CNBD1: variants seen among roughly 807,000 people sequenced by gnomAD.
CNBD1 encodes cyclic nucleotide-binding domain-containing protein 1.
Under a neutral mutation model 54.4 loss-of-function variants are expected in CNBD1, and 71 were observed. The ratio of observed to expected loss-of-function variants is 1.30; its 90% CI spans 1.08 to 1.59. CNBD1 has a LOEUF of 1.59. Ranked by LOEUF, CNBD1 falls within the 40% of genes most tolerant of loss-of-function variation. The pLI, the probability that CNBD1 is intolerant of heterozygous loss-of-function variation, is 0.00. For synonymous variants in CNBD1, 182 were observed against 170.7 expected, an observed-to-expected ratio of 1.07 and a Z score of -0.51; for missense variants, 659 against 518.0, an observed-to-expected ratio of 1.27 and a Z score of -2.64.
intron 4 of CNBD1, among the ~76,000 whole-genome samples, chr8:86,964,672 T>C (rs1216231880): frequency 1.3e-5 from 2 of 152,034 alleles, no homozygotes; most frequent in Admixed American, 1.3e-4. Context: ...GGAGTGAGAC[T>C]GGGACCTGCC....
intron 4 of CNBD1, among the ~76,000 whole-genome samples, chr8:87,135,839 T>C (rs1812215746): frequency 6.6e-6 from 1 of 151,862 alleles, no homozygotes; most frequent in Admixed American, 6.6e-5. Context: ...TTAAAAGTTA[T>C]ATAATCTTAC....
intron 2 of CNBD1, among the ~76,000 whole-genome samples, chr8:87,413,925 G>C (rs1807794649): frequency 6.6e-6 from 1 of 151,372 alleles, no homozygotes; most frequent in Admixed American, 6.6e-5. Flanking sequence ...CTGTTGGTGG[G>C]ACTGTAAACT....
At chr8:87,136,530 TTA>T (rs1223940279) in intron 4 of CNBD1, among the ~76,000 whole-genome samples, 1 of 116,604 alleles carries the variant, frequency 8.6e-6, no homozygotes, top group Non-Finnish European at 1.7e-5. Flanking sequence ...TATATATAAA[TTA>T]TATATTATAT....
At chr8:87,353,947 T>C (rs944942750) in intron 10 of CNBD1, 161 bp downstream of exon 10, 2 of 502,152 alleles carry the variant, frequency 4.0e-6, no homozygotes, top group Non-Finnish European at 7.0e-6. Flanking sequence ...CATTTCTCTC[T>C]TGGTGAATTT....
chr8:87,377,063 A>G (rs1810957012), intron 10 of CNBD1, among the ~76,000 whole-genome samples: 1 of 128,790 alleles, frequency 7.8e-6, no homozygotes, highest in Non-Finnish European at 1.7e-5. Flanking sequence ...TTTTATTTTT[A>G]TTTCTTTATT....
intron 8 of CNBD1, among the ~76,000 whole-genome samples, chr8:87,348,906 G>A (rs958781681): frequency 6.6e-5 from 10 of 152,138 alleles, no homozygotes; most frequent in Non-Finnish European, 1.5e-4. Context: ...TAATTTCTGT[G>A]AATCCTTCTG....
At chr8:86,968,131 G>A (rs968540383) in intron 4 of CNBD1, among the ~76,000 whole-genome samples, 2 of 152,078 alleles carry the variant, frequency 1.3e-5, no homozygotes, top group African/African-American at 2.4e-5. Context: ...TGGCTCGTCT[G>A]ACAAAACCCT....
chr8:87,139,106 G>C (rs1754982997), intron 4 of CNBD1, among the ~76,000 whole-genome samples: 2 of 152,114 alleles, frequency 1.3e-5, no homozygotes, highest in South Asian at 4.1e-4. Flanking sequence ...TATTGTGAAG[G>C]TGTACACCCT....
chr8:86,981,828 C>A (rs1390752365), intron 4 of CNBD1, among the ~76,000 whole-genome samples: 1 of 152,066 alleles, frequency 6.6e-6, no homozygotes, highest in Admixed American at 6.6e-5. Context: ...TGAACTGTTT[C>A]TAGTATCTGA....
chr8:87,010,466 A>T (rs1809194221), intron 4 of CNBD1, among the ~76,000 whole-genome samples: 1 of 152,072 alleles, frequency 6.6e-6, no homozygotes, highest in African/African-American at 2.4e-5. Context: ...AATGAACTCC[A>T]TGCCAGGCAT....
chr8:87,117,505 G>A (rs188948856), intron 4 of CNBD1, among the ~76,000 whole-genome samples: 1 of 152,000 alleles, frequency 6.6e-6, no homozygotes, highest in Admixed American at 6.5e-5. Flanking sequence ...CAAAAGAGTA[G>A]CCAAGAGAAA....
chr8:87,309,863 A>G (rs780643509), intron 8 of CNBD1, among the ~76,000 whole-genome samples: 5 of 152,120 alleles, frequency 3.3e-5, no homozygotes, highest in Admixed American at 1.3e-4. Flanking sequence ...AATAAAATAA[A>G]AGGTGTCCAA....
At chr8:87,158,095 G>T (rs1812783445) in intron 4 of CNBD1, among the ~76,000 whole-genome samples, 1 of 152,100 alleles carries the variant, frequency 6.6e-6, no homozygotes, top group Non-Finnish European at 1.5e-5. Flanking sequence ...TGTACAAAGT[G>T]CATAAGACAG....
chr8:86,880,322 C>T (rs372925886), intron 1 of CNBD1, among the ~76,000 whole-genome samples: 3 of 139,284 alleles, frequency 2.2e-5, no homozygotes, highest in South Asian at 2.5e-4. Flanking sequence ...AACTTGGGAT[C>T]GAACATATTA....
chr8:87,369,274 G>C (rs1230756605), intron 10 of CNBD1, among the ~76,000 whole-genome samples: 3 of 151,850 alleles, frequency 2.0e-5, no homozygotes, highest in Non-Finnish European at 4.4e-5. Context: ...TGTAAGATTT[G>C]GTTTCCTAGG....
intron 3 of CNBD1, among the ~76,000 whole-genome samples, chr8:86,923,883 G>A (rs1366351588): frequency 1.3e-5 from 2 of 152,150 alleles, no homozygotes; most frequent in South Asian, 2.1e-4. Context: ...GAAAGGGAGA[G>A]CTTTACACTT....
chr8:86,905,052 T>TA (rs1808995526), intron 2 of CNBD1, 29 bp from the exon 3 acceptor site: 1 of 1,393,404 alleles, frequency 7.2e-7, no homozygotes, highest in Admixed American at 1.8e-5. Context: ...CTATGACACT[T>TA]ACAATTTAAT....
chr8:87,251,671 T>A, intron 6 of CNBD1, among the ~76,000 whole-genome samples: 1 of 151,786 alleles, frequency 6.6e-6, no homozygotes, highest in South Asian at 2.1e-4. Context: ...TCCTTCCAAA[T>A]GCTATGGTAC....
At chr8:87,356,212 A>G (rs531352511) in intron 10 of CNBD1, among the ~76,000 whole-genome samples, 37 of 152,190 alleles carry the variant, frequency 2.4e-4, no homozygotes, top group Non-Finnish European at 5.0e-4. Context: ...GGGTGTTGCT[A>G]TAAAGATACA....
Sources: gnomAD v4.1 joint callset for allele counts (sites outside exome capture counted in the v4.1 genomes callset) on GRCh38, gnomAD v4.1.1 for gene constraint, MANE v1.5 for transcripts, NCBI Gene and HGNC (gene_info 2026-07-23, HGNC 2026-07-21) for gene names.